Variants in TPO observed in about 807,000 individuals in gnomAD.
TPO encodes thyroid peroxidase.
A neutral mutation model predicts 96.9 loss-of-function variants in TPO; 78 were observed. That is an observed-to-expected ratio of 0.81 (90% CI 0.67 to 0.97). The LOEUF (loss-of-function observed/expected upper bound fraction) is 0.97. Among genes scored for constraint, TPO ranks in the 50% least tolerant of loss-of-function variants. TPO has a pLI of 0.00. For synonymous variants in TPO, 547 were observed against 538.0 expected (o/e 1.02, Z -0.23); for missense variants, 1,252 against 1,274.8 (o/e 0.98, Z 0.27).
chr2:1,402,193 G>A (rs1043500486), intron 1 of TPO, among the ~76,000 whole-genome samples: 1 of 152,188 alleles, frequency 6.6e-6, no homozygotes, highest in Non-Finnish European at 1.5e-5. Context: ...AGTGGCCCAG[G>A]GCTCATCCAG....
In TPO at chr2:1,436,234, G is replaced by C. The variant is rs767225459; in HGVS notation, c.350-18G>C. Reference sequence around the variant, plus strand: ...TGTGGTTACAAGCACAGAATTCATGGTTTCCTATTTTTCACAGATGCTTTA... The same window carrying C: ...TGTGGTTACAAGCACAGAATTCATGCTTTCCTATTTTTCACAGATGCTTTA... On this transcript the variant is annotated intron_variant, in intron 4 of 16. Transcript: ENST00000329066. 3.7e-6 allele frequency: 6 copies of C among 1,614,144 alleles called. No homozygotes were observed. In the Admixed American group the frequency reaches 1.0e-4, roughly 27 times the overall value.
intron 15 of TPO, among the ~76,000 whole-genome samples, chr2:1,524,016 C>G (rs1172931444): frequency 2.5e-5 from 3 of 118,650 alleles, no homozygotes; most frequent in South Asian, 3.1e-4. Flanking sequence ...CCAAATCCCC[C>G]CCACTCTGTG....
Position 1,423,072 on chromosome 2 carries a change from G to T in TPO, c.122G>T (p.Ser41Ile), listed in dbSNP as rs780233344. The change falls in exon 3 of 17, where the codon AGC becomes ATC. Residue 41 changes from serine to isoleucine, a missense_variant. Coordinates refer to ENST00000329066, the MANE Select transcript of TPO (RefSeq NM_001206744.2). ...WGKPEESRVS[S>I]VLEESKRLVD... ...AAGCCTGAGGAGTCTCGTGTCTCTA[G>T]CGTCTTGGAGGAAAGCAAGCGCCTG... 8 of 1,614,052 alleles carry T rather than the reference G, an allele frequency of 5.0e-6. No individual in the cohort carries two copies. The highest frequency in any genetic ancestry group is 6.8e-6 in the Non-Finnish European group (8 of 1,180,046).
intron 1 of TPO, among the ~76,000 whole-genome samples, chr2:1,401,627 T>G (rs1241851317): frequency 2.6e-5 from 4 of 151,936 alleles, no homozygotes; most frequent in Non-Finnish European, 5.9e-5. Context: ...GCCCTGAGCT[T>G]CTCCCTCTGC....
intron 15 of TPO, among the ~76,000 whole-genome samples, chr2:1,527,398 C>A (rs1403209306): frequency 2.1e-5 from 3 of 146,318 alleles, no homozygotes; most frequent in African/African-American, 2.6e-5. Flanking sequence ...CAAATCCCCC[C>A]CACTGTGTGC....
intron 13 of TPO, 108 bp downstream of exon 13, chr2:1,496,873 G>T: frequency 6.5e-7 from 1 of 1,527,778 alleles, no homozygotes; most frequent in Middle Eastern, 2.2e-4. Flanking sequence ...TTCTGAAACT[G>T]TTATCTTCCC....
rs145985334 is a variant in TPO at position 1,477,244 on chromosome 2, G to A, written c.978G>A (p.Ala326=). ...QMNGLTSFLD[A]STVYGSSPAL... ...ACGGGTTGACCTCGTTCCTGGACGC[G>A]TCCACCGTGTATGGCAGCTCCCCGG... The change falls in exon 8 of 17, where the codon GCG becomes GCA. Residue 326 remains alanine, a synonymous_variant. Transcript: ENST00000329066. 282 of 1,607,796 alleles carry A rather than the reference G, an allele frequency of 1.8e-4. No homozygotes were observed. The African/African-American group carries it at 3.6e-3, about 20-fold the overall frequency.
chr2:1,524,648 A>G (rs1256540621), intron 15 of TPO, among the ~76,000 whole-genome samples: 2 of 83,932 alleles, frequency 2.4e-5, no homozygotes, highest in African/African-American at 9.4e-5. Flanking sequence ...ACTGCCTGCA[A>G]CCTCCTCAAA....
chr2:1,396,491 T>C (rs1662082500), intron 1 of TPO, among the ~76,000 whole-genome samples: 1 of 152,232 alleles, frequency 6.6e-6, no homozygotes, highest in South Asian at 2.1e-4. Context: ...AGTGCTCGAA[T>C]ATTTTTTGAT....
At chr2:1,477,025 C>T (rs1237397040) in intron 7 of TPO, 61 bp from the exon 8 acceptor site, 1 of 1,554,906 alleles carries the variant, frequency 6.4e-7, no homozygotes, top group East Asian at 2.3e-5. Context: ...CTCGAACTTC[C>T]AGAGTCTTAC....
At chr2:1,539,081 A>G (rs1680422306) in intron 15 of TPO, among the ~76,000 whole-genome samples, 1 of 152,112 alleles carries the variant, frequency 6.6e-6, no homozygotes, top group South Asian at 2.1e-4. Context: ...ATTACATCTG[A>G]AAAAAACCTT....
At chr2:1,519,164 C>T (rs1252152699) in intron 15 of TPO, among the ~76,000 whole-genome samples, 2 of 152,236 alleles carry the variant, frequency 1.3e-5, no homozygotes, top group South Asian at 2.1e-4. Flanking sequence ...GCCTCCAGAG[C>T]TCTAGGTCAT....
intron 1 of TPO, chr2:1,374,423 T>G (rs966505228): frequency 6.6e-6 from 1 of 152,172 alleles, no homozygotes; most frequent in Non-Finnish European, 1.5e-5. Context: ...TGTGTTTTCC[T>G]TTTCCTTTTT....
chr2:1,401,115 G>A (rs80155414), intron 1 of TPO, among the ~76,000 whole-genome samples: 69 of 152,316 alleles, frequency 4.5e-4, no homozygotes, highest in African/African-American at 1.6e-3. Context: ...GCTCCCATTA[G>A]CAGAGCCTCC....
intron 15 of TPO, among the ~76,000 whole-genome samples, chr2:1,521,808 G>T (rs1235354572): frequency 6.6e-6 from 1 of 151,996 alleles, no homozygotes; most frequent in Non-Finnish European, 1.5e-5. Flanking sequence ...ACCCACGTCT[G>T]CCCTGGAAAT....
intron 15 of TPO, 146 bp from the exon 16 acceptor site, chr2:1,540,443 CGACTT>C (rs1307315373): frequency 9.6e-6 from 15 of 1,557,650 alleles, no homozygotes; most frequent in Non-Finnish European, 1.2e-5. Context: ...AGATTATGAT[CGACTT>C]GACTGAAGTG....
Position 1,482,883 on chromosome 2 carries a change from G to T in TPO, c.1339-1713G>T, listed in dbSNP as rs185784945. Among the ~76,000 whole-genome samples, 8 of 152,262 alleles carry T rather than the reference G, an allele frequency of 5.3e-5. No individual in the cohort carries two copies. In the East Asian group the frequency reaches 1.4e-3, roughly 26 times the overall value. Reference sequence around the variant, plus strand: ...TTTTTTGTAGAAACAGAGTCTGACTGTGTTGCCCAGGCTGGTCTTGATCTT... The same window carrying T: ...TTTTTTGTAGAAACAGAGTCTGACTTTGTTGCCCAGGCTGGTCTTGATCTT... On this transcript the variant is annotated intron_variant, in intron 8 of 16. Transcript: ENST00000329066.
At chr2:1,483,173 C>A (rs180940727) in intron 8 of TPO, among the ~76,000 whole-genome samples, 25 of 152,308 alleles carry the variant, frequency 1.6e-4, no homozygotes, top group African/African-American at 5.8e-4. Context: ...TGAGGAAGTA[C>A]AGTGTCTGTG....
chr2:1,488,016 AC>A (rs753407112), intron 10 of TPO, 25 bp downstream of exon 10: 2 of 1,611,830 alleles, frequency 1.2e-6, no homozygotes, highest in Non-Finnish European at 1.7e-6. Flanking sequence ...TCCCTTGCAC[AC>A]CTCATGCAGC....
Sources: gnomAD v4.1 joint callset for allele counts (sites outside exome capture counted in the v4.1 genomes callset) on GRCh38, gnomAD v4.1.1 for gene constraint, MANE v1.5 for transcripts, NCBI Gene and HGNC (gene_info 2026-07-23, HGNC 2026-07-21) for gene names.